Variants in PPP6R2 observed in about 807,000 individuals in gnomAD.
PPP6R2 encodes serine/threonine-protein phosphatase 6 regulatory subunit 2.
In PPP6R2, 62 loss-of-function variants were observed where a neutral mutation model predicts 100.2. The observed-to-expected ratio is 0.62, with a 90% CI of 0.50 to 0.76. The LOEUF is 0.76. Among genes scored for constraint, PPP6R2 ranks in the 30% least tolerant of loss-of-function variants. PPP6R2 has a pLI of 0.00. For missense variants in PPP6R2, 1,142 were observed against 1,276.3 expected, an observed-to-expected ratio of 0.89 and a Z score of 1.60; for synonymous variants, 525 against 514.7, an observed-to-expected ratio of 1.02 and a Z score of -0.27.
intron 3 of PPP6R2, among the ~76,000 whole-genome samples, chr22:50,402,735 T>A (rs1220117107): frequency 6.6e-6 from 1 of 152,232 alleles, no homozygotes; most frequent in Non-Finnish European, 1.5e-5. Flanking sequence ...ATCTGCTGTG[T>A]TTGACTGGAA....
At chr22:50,360,506 G>A (rs1742579437) in intron 1 of PPP6R2, among the ~76,000 whole-genome samples, 2 of 152,064 alleles carry the variant, frequency 1.3e-5, no homozygotes, top group Admixed American at 1.3e-4. Context: ...AGGACTGCAA[G>A]TACATGCCAC....
At chr22:50,368,620 C>T (rs1333441632) in intron 1 of PPP6R2, among the ~76,000 whole-genome samples, 2 of 152,004 alleles carry the variant, frequency 1.3e-5, no homozygotes, top group African/African-American at 4.8e-5. Context: ...ATTTATTATA[C>T]TGGAACAGCT....
chr22:50,440,774 T>A (rs1277837029), intron 21 of PPP6R2, 48 bp from the exon 22 acceptor site: 2 of 1,599,146 alleles, frequency 1.3e-6, no homozygotes, highest in Non-Finnish European at 8.5e-7. Flanking sequence ...GGCCGCACCC[T>A]GTGACCCCTC....
chr22:50,391,302 G>A (rs185310455), intron 2 of PPP6R2, among the ~76,000 whole-genome samples: 2 of 151,214 alleles, frequency 1.3e-5, no homozygotes, highest in Admixed American at 1.3e-4. Flanking sequence ...GCATGGTGGT[G>A]CATGCCTGTA....
chr22:50,391,833 CT>C (rs1243282847), intron 2 of PPP6R2: 4 of 150,500 alleles, frequency 2.7e-5, no homozygotes, highest in African/African-American at 9.8e-5. Flanking sequence ...TAGCAGGATC[CT>C]ATTTCGTCGA....
intron 1 of PPP6R2, among the ~76,000 whole-genome samples, chr22:50,355,853 C>A (rs28797322): frequency 0.22 from 33,141 of 149,670 alleles, 5,435 homozygotes; most frequent in African/African-American, 0.46. Flanking sequence ...AAAAAAAAAA[C>A]CAAAAAAAAA....
intron 1 of PPP6R2, among the ~76,000 whole-genome samples, chr22:50,371,618 C>T (rs956779802): frequency 6.6e-6 from 1 of 151,476 alleles, no homozygotes; most frequent in Non-Finnish European, 1.5e-5. Flanking sequence ...AATGCTGTTC[C>T]ATTGCTTTAT....
At chr22:50,382,388 G>A (rs1297338727) in intron 2 of PPP6R2, among the ~76,000 whole-genome samples, 6 of 151,888 alleles carry the variant, frequency 4.0e-5, no homozygotes, top group African/African-American at 1.4e-4. Context: ...CACAAGGTCA[G>A]GAGTTCGAGA....
the PPP6R2 span, among the ~76,000 whole-genome samples, chr22:50,338,110 GGT>G: frequency 2.4e-3 from 346 of 145,718 alleles, 8 homozygotes; most frequent in Non-Finnish European, 5.6e-4. Context: ...TGTGGTATGT[GGT>G]GTGTGTGCAT....
intron 13 of PPP6R2, 124 bp from the exon 14 acceptor site, chr22:50,436,243 G>A (rs1045361192): frequency 1.4e-5 from 11 of 798,716 alleles, no homozygotes; most frequent in African/African-American, 8.6e-5. Context: ...GCCCTCAGAC[G>A]GGCTGACCAC....
Position 50,394,003 on chromosome 22 carries a change from A to G in PPP6R2, c.95A>G (p.Asp32Gly). ...CTGCAGGAGTTAATGGATGAAGATG[A>G]CATCTTGCAGGAGTGTAAGGCTCAG... ...VTLQELMDED[D>G]ILQECKAQNQ... Residue 32 changes from aspartate to glycine, a missense_variant, in exon 3 of 24, where the codon GAC becomes GGC. This residue lies in a region of PPP6R2 where 592 missense variants were observed against 758.9 expected (regional missense o/e 0.78). Transcript: ENST00000612753. 3 of 1,614,198 alleles carry G rather than the reference A, an allele frequency of 1.9e-6. No homozygotes were observed. The highest frequency in any genetic ancestry group is 2.5e-6 in the Non-Finnish European group (3 of 1,180,038).
intron 5 of PPP6R2, among the ~76,000 whole-genome samples, chr22:50,415,597 C>A (rs1569454911): frequency 2.0e-5 from 3 of 152,256 alleles, no homozygotes; most frequent in Admixed American, 1.3e-4. Context: ...CAGTGCGGTG[C>A]GGTAGCCAGG....
At chr22:50,377,170 C>T (rs930778539) in intron 2 of PPP6R2, among the ~76,000 whole-genome samples, 4 of 152,196 alleles carry the variant, frequency 2.6e-5, no homozygotes, top group South Asian at 4.1e-4. Context: ...ATCACAAATT[C>T]AGGCCAGGTG....
intron 1 of PPP6R2, among the ~76,000 whole-genome samples, chr22:50,351,026 GTTTTTTTTTTTT>G (rs1195469509): frequency 3.7e-5 from 3 of 80,748 alleles, no homozygotes; most frequent in Non-Finnish European, 6.8e-5. Flanking sequence ...TCTCAACAGT[GTTTTTTTTTTTT>G]TTTTTTTTTT....
At chr22:50,436,556 C>T in intron 14 of PPP6R2, 104 bp downstream of exon 14, 1 of 1,131,998 alleles carries the variant, frequency 8.8e-7, no homozygotes, top group East Asian at 2.6e-5. Context: ...GGCACAAGGG[C>T]CGCACGCCTG....
intron 6 of PPP6R2, 32 bp from the exon 7 acceptor site, chr22:50,418,835 T>A: frequency 6.5e-7 from 1 of 1,532,872 alleles, no homozygotes; most frequent in Non-Finnish European, 9.0e-7. Context: ...TTCTCCACAC[T>A]GAGGGACTCT....
chr22:50,355,182 C>T (rs1298325595), intron 1 of PPP6R2, among the ~76,000 whole-genome samples: 1 of 151,714 alleles, frequency 6.6e-6, no homozygotes, highest in Non-Finnish European at 1.5e-5. Flanking sequence ...AGGGATACTC[C>T]TCCTATATTG....
chr22:50,343,993 T>C (rs1388872647), intron 1 of PPP6R2, among the ~76,000 whole-genome samples: 1 of 2,334 alleles, frequency 4.3e-4, no homozygotes, highest in Non-Finnish European at 7.0e-4. Flanking sequence ...CCAGTCAGTT[T>C]CCCCCAGTCA....
chr22:50,354,638 C>T (rs1350722127), intron 1 of PPP6R2, among the ~76,000 whole-genome samples: 1 of 151,764 alleles, frequency 6.6e-6, no homozygotes, highest in East Asian at 2.0e-4. Flanking sequence ...CCAGGCTGGC[C>T]AACATGGTTA....
Sources: gnomAD v4.1 joint callset for allele counts (sites outside exome capture counted in the v4.1 genomes callset) on GRCh38, gnomAD v4.1.1 for gene constraint, gnomAD v4.1.1 regional missense constraint, MANE v1.5 for transcripts, NCBI Gene and HGNC (gene_info 2026-07-23, HGNC 2026-07-21) for gene names.